The following VPS54 variants were observed in gnomAD, a reference collection of about 807,000 sequenced individuals.
The protein encoded by VPS54 is VPS54 subunit of GARP complex.
A neutral mutation model predicts 121.5 loss-of-function variants in VPS54; 45 were observed. The observed-to-expected ratio is 0.37, with a 90% confidence interval of 0.29 to 0.47. The LOEUF (loss-of-function observed/expected upper bound fraction) is 0.47, where lower values mean the gene tolerates loss of function less well. Among genes scored for constraint, VPS54 ranks in the 20% least tolerant of loss-of-function variants. VPS54 has a pLI of 0.99. For missense variants in VPS54, 1,090 were observed against 1,131.4 expected (o/e 0.96, Z 0.52); for synonymous variants, 371 against 385.8 (o/e 0.96, Z 0.45).
intron 3 of VPS54, among the ~76,000 whole-genome samples, chr2:63,977,688 A>G (rs1237355785): frequency 1.3e-5 from 2 of 152,316 alleles, no homozygotes; most frequent in Non-Finnish European, 2.9e-5. Context: ...CAACATCACA[A>G]CCGCATCTGA....
intron 1 of VPS54, among the ~76,000 whole-genome samples, chr2:63,991,608 AATG>A (rs1677322449): frequency 6.6e-6 from 1 of 152,236 alleles, no homozygotes; most frequent in Non-Finnish European, 1.5e-5. Context: ...AACATGGCCA[AATG>A]CTGCTGCTAC....
At chr2:63,898,246 G>C (rs1222988583) in intron 21 of VPS54, among the ~76,000 whole-genome samples, 1 of 152,110 alleles carries the variant, frequency 6.6e-6, no homozygotes, top group Non-Finnish European at 1.5e-5. Context: ...CCTGACCTGG[G>C]TAAGTCCTGC....
chr2:64,016,781 A>G (rs1678718616), intron 1 of VPS54, among the ~76,000 whole-genome samples: 1 of 151,500 alleles, frequency 6.6e-6, no homozygotes, highest in South Asian at 2.1e-4. Flanking sequence ...GCTAATTTAT[A>G]TATTTTTAGT....
At chr2:63,949,269 G>A (rs1199644950) in intron 7 of VPS54, 106 bp from the exon 8 acceptor site, 1 of 1,068,696 alleles carries the variant, frequency 9.4e-7, no homozygotes, top group African/African-American at 1.6e-5. Context: ...GACAGTACCT[G>A]TGCAATAATG....
intron 20 of VPS54, among the ~76,000 whole-genome samples, chr2:63,905,025 AAAATTTG>A (rs1165675230): frequency 2.7e-4 from 41 of 152,348 alleles, no homozygotes; most frequent in African/African-American, 8.4e-4. Context: ...ACAAAGTATC[AAAATTTG>A]CAGGACACAG....
chr2:63,977,622 A>G (rs944140684), intron 3 of VPS54, among the ~76,000 whole-genome samples: 3 of 152,142 alleles, frequency 2.0e-5, no homozygotes, highest in Non-Finnish European at 4.4e-5. Context: ...CATGTTTTCC[A>G]CTACAGCCCT....
chr2:63,940,254 A>G (rs10197962), intron 11 of VPS54, among the ~76,000 whole-genome samples: 1 of 152,182 alleles, frequency 6.6e-6, no homozygotes, highest in Non-Finnish European at 1.5e-5. Flanking sequence ...AACAGCTTGT[A>G]ATTAACATTA....
chr2:64,011,137 T>G lies in VPS54; in HGVS notation c.-21+7801A>C, dbSNP rs183161453. 4.6e-5 allele frequency among the ~76,000 whole-genome samples: 7 copies of G among 152,390 alleles called. No homozygotes were observed. In the East Asian group the frequency reaches 9.6e-4, roughly 21 times the overall value. On this transcript the variant is annotated intron_variant, in intron 1 of 22. Transcript: ENST00000272322. The stretch of plus-strand genomic sequence containing the variant: ...CTTATAAAACAAATGCTATTTCATG[T>G]GATATCTTTATCAGGAAGAAAAATC...
intron 12 of VPS54, among the ~76,000 whole-genome samples, chr2:63,927,164 G>A (rs927291468): frequency 9.9e-5 from 15 of 152,166 alleles, no homozygotes; most frequent in African/African-American, 3.1e-4. Flanking sequence ...GGTTCTCCCA[G>A]CACAGTGTTC....
At chr2:63,985,027 T>C (rs1476037618) in intron 1 of VPS54, among the ~76,000 whole-genome samples, 1 of 151,818 alleles carries the variant, frequency 6.6e-6, no homozygotes, top group Non-Finnish European at 1.5e-5. Context: ...GAGTAGGAAA[T>C]GGGGAGCAGA....
At chr2:63,957,828 G>A (rs944267018) in intron 7 of VPS54, among the ~76,000 whole-genome samples, 4 of 152,104 alleles carry the variant, frequency 2.6e-5, no homozygotes, top group Non-Finnish European at 5.9e-5. Flanking sequence ...CTCAATTATG[G>A]TGCACATTAG....
intron 7 of VPS54, among the ~76,000 whole-genome samples, chr2:63,957,565 A>C (rs1675561748): frequency 6.6e-6 from 1 of 152,182 alleles, no homozygotes; most frequent in Non-Finnish European, 1.5e-5. Flanking sequence ...ACAAAAGAAT[A>C]ATAATAATTA....
Position 63,996,076 on chromosome 2 carries a change from T to C in VPS54, c.-20-12057A>G, listed in dbSNP as rs1249677666. Among the ~76,000 whole-genome samples, 3 of 152,052 alleles carry C rather than the reference T, an allele frequency of 2.0e-5. No individual in the cohort carries two copies. The East Asian group carries it at 5.8e-4, about 29-fold the overall frequency. ...CCAGTCAAAGAATCCTGCGTCAAAATCGAGAGAACAAGCCTTCATCACCAT... is the reference window on the plus strand; with the variant it reads ...CCAGTCAAAGAATCCTGCGTCAAAACCGAGAGAACAAGCCTTCATCACCAT... On this transcript the variant is annotated intron_variant, in intron 1 of 22. Coordinates refer to ENST00000272322, the MANE Select transcript of VPS54 (RefSeq NM_016516.3).
chr2:63,903,509 TG>T lies in VPS54; in HGVS notation c.2626-3929del, dbSNP rs1216360253. ...AAATGAGGATAAATATAAAAGGCAT[TG>T]TTTTCCTCATTTTTATCACTTTAAA... is the stretch of plus-strand genomic sequence containing the variant. On this transcript the variant is annotated intron_variant, in intron 20 of 22. Coordinates refer to ENST00000272322, the MANE Select transcript of VPS54 (RefSeq NM_016516.3). Among the ~76,000 whole-genome samples the T allele has an allele frequency of 2.6e-5, 4 of 152,178 alleles. No individual in the cohort carries two copies. The East Asian group carries it at 5.8e-4, about 22-fold the overall frequency.
intron 3 of VPS54, among the ~76,000 whole-genome samples, chr2:63,977,939 A>G (rs781220905): frequency 6.6e-6 from 1 of 152,092 alleles, no homozygotes; most frequent in Non-Finnish European, 1.5e-5. Flanking sequence ...CTCTCCTACT[A>G]TCTTCAGGTT....
Position 63,915,012 on chromosome 2 carries a change from G to A in VPS54, c.2229-725C>T, listed in dbSNP as rs546945398. On this transcript the variant is annotated intron_variant, in intron 16 of 22. Coordinates refer to ENST00000272322, the MANE Select transcript of VPS54 (RefSeq NM_016516.3). Reference sequence around the variant, plus strand: ...ATTAAAAATTCAAAATTAGCTGGGCGTGGTGCTGCACATCTGTAATCCCAG... The same window carrying A: ...ATTAAAAATTCAAAATTAGCTGGGCATGGTGCTGCACATCTGTAATCCCAG... Among the ~76,000 whole-genome samples the A allele has an allele frequency of 4.6e-5, 7 of 151,764 alleles. No homozygotes were observed. In the South Asian group the frequency reaches 1.5e-3, roughly 32 times the overall value.
chr2:63,936,655 A>C (rs886913660), intron 11 of VPS54, among the ~76,000 whole-genome samples: 2 of 152,206 alleles, frequency 1.3e-5, no homozygotes, highest in African/African-American at 4.8e-5. Flanking sequence ...ACCTATAAAA[A>C]TTAGCCTAAT....
intron 11 of VPS54, 48 bp downstream of exon 11, chr2:63,942,417 C>A: frequency 1.5e-6 from 2 of 1,312,378 alleles, no homozygotes; most frequent in Non-Finnish European, 2.1e-6. Flanking sequence ...ATCTAGAAAG[C>A]TGACTTAATT....
rs201355570 is a variant in VPS54 at position 63,983,929 on chromosome 2, A to G, written c.71T>C (p.Val24Ala). The G allele has an allele frequency of 3.2e-5, 52 of 1,613,820 alleles. No individual in the cohort carries two copies. The highest frequency in any genetic ancestry group is 1.3e-4 in the Admixed American group (8 of 60,014). Reference sequence around the variant, plus strand: ...AGGTCGAATGTGTTTTGACGGATCTACCTCTATTTTAAAGAAAACATCACT... The same window carrying G: ...AGGTCGAATGTGTTTTGACGGATCTGCCTCTATTTTAAAGAAAACATCACT... Reference protein sequence around the residue: ...SSSDVFFKIEVDPSKHIRPVP... With the variant: ...SSSDVFFKIEADPSKHIRPVP... The change falls in exon 2 of 23, where the codon GTA becomes GCA. Residue 24 changes from valine to alanine, a missense_variant. Val to Ala is a moderately conservative substitution (Grantham distance 64). Coordinates refer to ENST00000272322, the MANE Select transcript of VPS54 (RefSeq NM_016516.3).
Sources: gnomAD v4.1 joint callset for allele counts (sites outside exome capture counted in the v4.1 genomes callset) on GRCh38, gnomAD v4.1.1 for gene constraint, MANE v1.5 for transcripts, NCBI Gene and HGNC (gene_info 2026-07-23, HGNC 2026-07-21) for gene names.